The following CD47 variants were observed in gnomAD, a reference collection of about 807,000 sequenced individuals.
CD47 encodes the protein CD47 molecule.
A neutral mutation model predicts 44.6 loss-of-function variants in CD47; 11 were observed. The ratio of observed to expected loss-of-function variants is 0.25; its 90% CI spans 0.16 to 0.41. CD47 has a LOEUF of 0.41. CD47 is among the 10% of genes least tolerant of loss of function. The probability of loss-of-function intolerance (pLI) is 1.00; values close to 1 mark genes in which losing one functional copy is unlikely to be tolerated. For missense variants in CD47, 306 were observed against 386.7 expected (o/e 0.79, Z 1.75); for synonymous variants, 140 against 136.3 (o/e 1.03, Z -0.19).
In CD47 at chr3:108,090,933, G is replaced by A. The variant is rs1253867675; in HGVS notation, c.-25C>T. 6.9e-7 allele frequency: 1 copy of A among 1,457,398 alleles called. No homozygotes were observed. The highest frequency in any genetic ancestry group is 9.0e-7 in the Non-Finnish European group (1 of 1,105,764). 90.3% of individuals were successfully genotyped at this position (1,457,398 alleles called of 1,614,324 possible). ...TCTCCGCGCCCGCCGCGGGGTCGCC[G>A]CCGCCGCCGCAGGTGTCCGGAGCAG... On this transcript the variant is annotated 5_prime_UTR_variant, in exon 1 of 11. Transcript: ENST00000361309.
intron 1 of CD47, among the ~76,000 whole-genome samples, chr3:108,085,610 G>A (rs956215497): frequency 1.3e-5 from 2 of 151,986 alleles, no homozygotes; most frequent in African/African-American, 4.8e-5. Flanking sequence ...TGCTCCCATT[G>A]CCTTGTGTTC....
chr3:108,073,939 A>G (rs1424218207), intron 2 of CD47, among the ~76,000 whole-genome samples: 1 of 152,212 alleles, frequency 6.6e-6, no homozygotes, highest in Admixed American at 6.5e-5. Context: ...TAGAATGGGG[A>G]TCCCGAAACC....
intron 3 of CD47, among the ~76,000 whole-genome samples, chr3:108,070,613 A>T (rs754249562): frequency 1.1e-4 from 17 of 152,218 alleles, no homozygotes; most frequent in Non-Finnish European, 1.8e-4. Context: ...CACGCAGAGG[A>T]TGACAAAACA....
intron 2 of CD47, among the ~76,000 whole-genome samples, chr3:108,074,785 CTG>C (rs921357076): frequency 2.0e-5 from 3 of 151,666 alleles, no homozygotes; most frequent in African/African-American, 7.3e-5. Context: ...CACATTTCTG[CTG>C]TATTTGAACT....
At chr3:108,056,366 TAAAG>T (rs1268591553) in intron 7 of CD47, among the ~76,000 whole-genome samples, 1 of 152,184 alleles carries the variant, frequency 6.6e-6, no homozygotes, top group Non-Finnish European at 1.5e-5. Flanking sequence ...AAGCATTAAT[TAAAG>T]AAAGACACAG....
At chr3:108,090,755 C>A in intron 1 of CD47, 108 bp downstream of exon 1, 3 of 1,035,244 alleles carry the variant, frequency 2.9e-6, no homozygotes, top group Non-Finnish European at 3.9e-6. Flanking sequence ...GTGTTCTGCG[C>A]CCCGGCCACC....
At position 108,083,103 on chromosome 3, in the gene CD47, T is replaced by C. The variant is rs556320830; in HGVS notation, c.47-2759A>G. On this transcript the variant is annotated intron_variant, in intron 1 of 10. Transcript: ENST00000361309. ...AATAAAGAAACACAGATAATTAACATGAATAAGAAAACTCTGAATAAACAA... is the reference window on the plus strand; with the variant it reads ...AATAAAGAAACACAGATAATTAACACGAATAAGAAAACTCTGAATAAACAA... Among the ~76,000 whole-genome samples, 59 of 152,102 alleles carry C rather than the reference T, an allele frequency of 3.9e-4. No individual in the cohort carries two copies. In the South Asian group the frequency reaches 0.012, roughly 31 times the overall value.
intron 3 of CD47, among the ~76,000 whole-genome samples, chr3:108,061,327 T>A (rs1048990540): frequency 5.3e-5 from 8 of 151,646 alleles, no homozygotes; most frequent in African/African-American, 1.9e-4. Context: ...ACAACACTGA[T>A]GTACATAATA....
At chr3:108,064,771 TAAAG>T (rs2079075451) in intron 3 of CD47, among the ~76,000 whole-genome samples, 1 of 152,116 alleles carries the variant, frequency 6.6e-6, no homozygotes, top group Non-Finnish European at 1.5e-5. Context: ...GAATAAATCA[TAAAG>T]AAAGATGGGT....
At chr3:108,088,947 G>A (rs1008339147) in intron 1 of CD47, among the ~76,000 whole-genome samples, 1 of 152,006 alleles carries the variant, frequency 6.6e-6, no homozygotes, top group Non-Finnish European at 1.5e-5. Context: ...TGATTCCCGG[G>A]GCTTAATTAA....
Position 108,064,565 on chromosome 3 carries a change from G to A in CD47, c.491-3713C>T, listed in dbSNP as rs566637612. ...CAAGTCAACTTGGGGATAAAATCAAGTCTATCATGCTAAGTTTCCATGACA... is the reference window on the plus strand; with the variant it reads ...CAAGTCAACTTGGGGATAAAATCAAATCTATCATGCTAAGTTTCCATGACA... On this transcript the variant is annotated intron_variant, in intron 3 of 10. Coordinates refer to ENST00000361309, the MANE Select transcript of CD47 (RefSeq NM_001777.4). 4.6e-5 allele frequency among the ~76,000 whole-genome samples: 7 copies of A among 152,150 alleles called. No homozygotes were observed. The South Asian group carries it at 1.2e-3, about 27-fold the overall frequency.
At chr3:108,074,707 C>T (rs936267058) in intron 2 of CD47, among the ~76,000 whole-genome samples, 9 of 8,322 alleles carry the variant, frequency 1.1e-3, no homozygotes, top group African/African-American at 5.9e-3. Flanking sequence ...ATATGTGGGG[C>T]GGGTGGGGGG....
intron 1 of CD47, 66 bp downstream of exon 1, chr3:108,090,797 G>T: frequency 7.2e-7 from 1 of 1,380,034 alleles, no homozygotes; most frequent in Non-Finnish European, 9.5e-7. Context: ...TGGCTGGGGC[G>T]CAGCCCACAC....
intron 8 of CD47, among the ~76,000 whole-genome samples, chr3:108,051,347 C>T (rs1179286447): frequency 1.3e-5 from 2 of 152,146 alleles, no homozygotes; most frequent in Non-Finnish European, 2.9e-5. Flanking sequence ...TTCATTTATG[C>T]CCTCCTAAAA....
chr3:108,078,233 AAAC>A (rs2079345967), intron 2 of CD47, among the ~76,000 whole-genome samples: 1 of 152,128 alleles, frequency 6.6e-6, no homozygotes, highest in Non-Finnish European at 1.5e-5. Context: ...CTCTATAATA[AAAC>A]AATACTTTCT....
chr3:108,060,892 C>T (rs772903857), intron 3 of CD47, 40 bp from the exon 4 acceptor site: 5 of 1,290,768 alleles, frequency 3.9e-6, no homozygotes, highest in Middle Eastern at 1.8e-4. Flanking sequence ...AACTCAATCA[C>T]AAGTGAAGCC....
In CD47 at chr3:108,072,722, T is replaced by C. The variant is rs980476573; in HGVS notation, c.401-1540A>G. Among the ~76,000 whole-genome samples the C allele has an allele frequency of 2.6e-5, 4 of 152,298 alleles. No individual in the cohort carries two copies. In the East Asian group the frequency reaches 7.7e-4, roughly 29 times the overall value. ...CCTAAAACCCTACCAGGAAAAAATT[T>C]TGGAGATCATGCTTGGATTTTTGTA... On this transcript the variant is annotated intron_variant, in intron 2 of 10. Coordinates refer to ENST00000361309, the MANE Select transcript of CD47 (RefSeq NM_001777.4).
chr3:108,084,703 A>G (rs1030084031), intron 1 of CD47, among the ~76,000 whole-genome samples: 1 of 152,078 alleles, frequency 6.6e-6, no homozygotes, highest in African/African-American at 2.4e-5. Flanking sequence ...TCACTTTGCT[A>G]AAGTATTTTC....
intron 2 of CD47, among the ~76,000 whole-genome samples, chr3:108,073,603 T>C (rs2079250841): frequency 6.6e-6 from 1 of 152,190 alleles, no homozygotes; most frequent in African/African-American, 2.4e-5. Flanking sequence ...TGACTGGAAT[T>C]CAGTGATGAG....
Sources: allele counts gnomAD v4.1 joint callset (sites outside exome capture counted in the v4.1 genomes callset), GRCh38; gene constraint gnomAD v4.1.1; transcripts MANE v1.5; gene names NCBI Gene and HGNC (gene_info 2026-07-23, HGNC 2026-07-21).